SLC12A7: variants seen among roughly 807,000 people sequenced by gnomAD.
The protein encoded by SLC12A7 is K-Cl cotransporter 4.
SLC12A7 carries 100 observed loss-of-function variants against 120.6 expected under a neutral mutation model. That is an observed-to-expected ratio of 0.83 (90% CI 0.71 to 0.98). SLC12A7 has a LOEUF of 0.98. Ranked by LOEUF, SLC12A7 falls within the 50% of genes least tolerant of loss-of-function variation. The probability of loss-of-function intolerance (pLI) is 0.00; values close to 1 mark genes in which losing one functional copy is unlikely to be tolerated. For synonymous variants in SLC12A7, 760 were observed against 678.0 expected (o/e 1.12, Z -1.88); for missense variants, 1,373 against 1,548.1 (o/e 0.89, Z 1.90).
At chr5:1,143,818 G>A in the SLC12A7 span, among the ~76,000 whole-genome samples, 1 of 151,922 alleles carries the variant, frequency 6.6e-6, no homozygotes, top group Non-Finnish European at 1.5e-5. Flanking sequence ...AGACACTCTC[G>A]GGCAGAGTGC....
At chr5:1,154,175 TCCCTAA>T in the SLC12A7 span, among the ~76,000 whole-genome samples, 3 of 151,766 alleles carry the variant, frequency 2.0e-5, no homozygotes, top group East Asian at 3.9e-4. Flanking sequence ...CAGGCTTGTG[TCCCTAA>T]CCCTAACCCT....
At chr5:1,091,072 T>G (rs554054959) in intron 3 of SLC12A7, among the ~76,000 whole-genome samples, 1 of 151,934 alleles carries the variant, frequency 6.6e-6, no homozygotes, top group Admixed American at 6.5e-5. Context: ...CCTGCTGGGG[T>G]CACGGGCCCT....
At chr5:1,057,246 G>T in intron 22 of SLC12A7, 2 of 523,262 alleles carry the variant, frequency 3.8e-6, no homozygotes, top group Non-Finnish European at 6.7e-6. Flanking sequence ...CTTGGCACTA[G>T]AAGGATCCCT....
At chr5:1,065,637 CTG>C (rs1288014882) in intron 17 of SLC12A7, among the ~76,000 whole-genome samples, 159 bp from the exon 18 acceptor site, 1 of 152,108 alleles carries the variant, frequency 6.6e-6, no homozygotes. Flanking sequence ...CTCCCGGCCG[CTG>C]TGTGTGTATG....
intron 20 of SLC12A7, among the ~76,000 whole-genome samples, chr5:1,063,490 G>C (rs1736536672): frequency 1.3e-5 from 2 of 152,164 alleles, no homozygotes; most frequent in South Asian, 2.1e-4. Context: ...TGTTACACGA[G>C]GTGTCCACAA....
At chr5:1,083,618 G>A (rs1579385976) in intron 8 of SLC12A7, 127 bp downstream of exon 8, 2 of 958,910 alleles carry the variant, frequency 2.1e-6, no homozygotes, top group Non-Finnish European at 3.2e-6. Context: ...CAGCAGCTGG[G>A]AAGGGGCTCG....
At chr5:1,112,090 G>A (rs1743069436), upstream of SLC12A7, 2 of 1,159,304 alleles carry the variant, frequency 1.7e-6, no homozygotes, top group South Asian at 4.4e-5. Flanking sequence ...GTCCGACCGA[G>A]CCGCCCCGCC....
intron 23 of SLC12A7, 44 bp downstream of exon 23, chr5:1,053,305 G>C: frequency 6.3e-7 from 1 of 1,595,406 alleles, no homozygotes; most frequent in Non-Finnish European, 8.5e-7. Context: ...GAAGCCACCA[G>C]GGGGTGCCCG....
the SLC12A7 span, among the ~76,000 whole-genome samples, chr5:1,117,329 T>A: frequency 1.3e-5 from 2 of 152,190 alleles, no homozygotes; most frequent in Non-Finnish European, 2.9e-5. This position sits in a 1 kb window ranked among gnomAD's most constrained non-coding sequence, Gnocchi z 4.5. Flanking sequence ...GTGGAAGGGT[T>A]CCGACCTGAC....
At chr5:1,057,757 G>A in intron 21 of SLC12A7, 108 bp from the exon 22 acceptor site, 1 of 1,086,210 alleles carries the variant, frequency 9.2e-7, no homozygotes, top group Non-Finnish European at 1.3e-6. Flanking sequence ...AACCTGAAGG[G>A]CCCTGTGTGC....
intron 17 of SLC12A7, among the ~76,000 whole-genome samples, chr5:1,066,517 G>T (rs1737072217): frequency 6.6e-6 from 1 of 152,178 alleles, no homozygotes; most frequent in Non-Finnish European, 1.5e-5. Flanking sequence ...ATTGCAGTGG[G>T]TTGAATAGTG....
At chr5:1,114,407 G>A (rs1157366285), upstream of SLC12A7, among the ~76,000 whole-genome samples, 2 of 152,266 alleles carry the variant, frequency 1.3e-5, no homozygotes, top group East Asian at 1.9e-4. Flanking sequence ...GACCCTTGCC[G>A]GAGCCCAGAA....
the SLC12A7 span, among the ~76,000 whole-genome samples, chr5:1,127,634 A>G: frequency 6.6e-6 from 1 of 152,248 alleles, no homozygotes; most frequent in African/African-American, 2.4e-5. Context: ...ACGATCTTGT[A>G]AATGGAGATA....
At chr5:1,117,707 T>C in the SLC12A7 span, among the ~76,000 whole-genome samples, 7 of 152,206 alleles carry the variant, frequency 4.6e-5, no homozygotes, top group Non-Finnish European at 1.0e-4. This position sits in a 1 kb window ranked among gnomAD's most constrained non-coding sequence, Gnocchi z 4.5. Context: ...CAATTCCCTA[T>C]GAGTTCATCT....
Position 1,060,470 on chromosome 5 carries a change from C to T in SLC12A7, c.2740-19G>A, listed in dbSNP as rs1451303339. Reference sequence around the variant, plus strand: ...TTTCAACCTAGAAAGTTCCCAAGCACGTAGTAAGCCCGGTGTGCACAGAAC... The same window carrying T: ...TTTCAACCTAGAAAGTTCCCAAGCATGTAGTAAGCCCGGTGTGCACAGAAC... On this transcript the variant is annotated intron_variant, in intron 20 of 23. Transcript: ENST00000264930. 3.8e-6 allele frequency: 6 copies of T among 1,579,364 alleles called. No individual in the cohort carries two copies. In the African/African-American group the frequency reaches 4.0e-5, roughly 11 times the overall value.
chr5:1,138,847 C>A, the SLC12A7 span, among the ~76,000 whole-genome samples: 1 of 152,196 alleles, frequency 6.6e-6, no homozygotes, highest in African/African-American at 2.4e-5. Context: ...CAGTGGGAGC[C>A]CCAGGGTGTC....
chr5:1,085,334 T>A lies in SLC12A7; in HGVS notation c.815A>T (p.Tyr272Phe). 6.2e-7 allele frequency: 1 copy of A among 1,612,570 alleles called. No individual in the cohort carries two copies. The highest frequency in any genetic ancestry group is 8.5e-7 in the Non-Finnish European group (1 of 1,179,832). ...MALVVFVGVKYVNKLALVFLA... is the reference protein window; with the variant it reads ...MALVVFVGVKFVNKLALVFLA... ...GAAGACCAGCGCCAGCTTGTTGACA[T>A]ACTTGACGCCCACGAAGACCACCAG... is the stretch of plus-strand genomic sequence containing the variant. Residue 272 changes from tyrosine (Y) to phenylalanine (F), a missense_variant, in exon 7 of 24, where the codon TAT becomes TTT. Coordinates refer to ENST00000264930, the MANE Select transcript of SLC12A7 (RefSeq NM_006598.3).
At chr5:1,108,135 A>G (rs4975639) in intron 1 of SLC12A7, among the ~76,000 whole-genome samples, 47,022 of 152,232 alleles carry the variant, frequency 0.31, 9,056 homozygotes, top group Non-Finnish European at 0.43. Context: ...CAGTGCAAGC[A>G]CATGGCTCAC....
the SLC12A7 span, among the ~76,000 whole-genome samples, chr5:1,130,225 C>T: frequency 6.6e-6 from 1 of 152,194 alleles, no homozygotes; most frequent in South Asian, 2.1e-4. Context: ...AGAAGCCGCA[C>T]CACTCGCTTC....
Sources: allele counts gnomAD v4.1 joint callset (sites outside exome capture counted in the v4.1 genomes callset), GRCh38; gene constraint gnomAD v4.1.1; non-coding constraint Gnocchi (gnomAD v3.1); transcripts MANE v1.5; gene names NCBI Gene and HGNC (gene_info 2026-07-23, HGNC 2026-07-21).